The following DTNB variants were observed in gnomAD, a reference collection of about 807,000 sequenced individuals.
DTNB encodes dystrobrevin beta, also known as DTN-B.
DTNB carries 63 observed loss-of-function variants against 90.7 expected under a neutral mutation model. The ratio of observed to expected loss-of-function variants is 0.69; its 90% confidence interval spans 0.57 to 0.86. DTNB has a LOEUF of 0.86. DTNB is among the 40% of genes least tolerant of loss of function. DTNB has a pLI of 0.00. For missense variants in DTNB, 744 were observed against 807.1 expected, an observed-to-expected ratio of 0.92 and a Z score of 0.95; for synonymous variants, 277 against 286.7, an observed-to-expected ratio of 0.97 and a Z score of 0.34.
chr2:25,603,605 TAGAG>T (rs1327110471), intron 5 of DTNB, among the ~76,000 whole-genome samples: 1 of 150,026 alleles, frequency 6.7e-6, no homozygotes, highest in Non-Finnish European at 1.5e-5. Context: ...ATAAAAAAGG[TAGAG>T]AGGAGAAAAT....
At chr2:25,658,857 T>C (rs2082584624) in intron 1 of DTNB, among the ~76,000 whole-genome samples, 1 of 152,256 alleles carries the variant, frequency 6.6e-6, no homozygotes, top group African/African-American at 2.4e-5. Flanking sequence ...CATGACACTA[T>C]GTGTTTGTCA....
At chr2:25,532,119 G>A (rs2078323726) in intron 8 of DTNB, among the ~76,000 whole-genome samples, 1 of 151,946 alleles carries the variant, frequency 6.6e-6, no homozygotes, top group African/African-American at 2.4e-5. Context: ...GGTGGTGCAT[G>A]CCTGTAATCC....
intron 10 of DTNB, among the ~76,000 whole-genome samples, chr2:25,466,119 G>A (rs955152669): frequency 3.3e-5 from 5 of 152,156 alleles, no homozygotes; most frequent in African/African-American, 9.7e-5. Context: ...GACCACCTGA[G>A]GTCAGGAGTT....
intron 9 of DTNB, among the ~76,000 whole-genome samples, chr2:25,509,895 C>A (rs2073544857): frequency 1.3e-5 from 2 of 151,716 alleles, no homozygotes; most frequent in Admixed American, 1.3e-4. Context: ...GGACTACAGG[C>A]ACGCATCACC....
intron 8 of DTNB, among the ~76,000 whole-genome samples, chr2:25,536,054 A>G (rs948074242): frequency 2.4e-4 from 34 of 140,808 alleles, no homozygotes; most frequent in Non-Finnish European, 3.9e-4. Context: ...GGTGCTCCCC[A>G]CTTCCTCCCA....
At chr2:25,604,184 G>GCCA (rs1209534033) in intron 5 of DTNB, among the ~76,000 whole-genome samples, 22 of 151,684 alleles carry the variant, frequency 1.5e-4, no homozygotes, top group Non-Finnish European at 2.6e-4. Flanking sequence ...AACCACTGCC[G>GCCA]CCACCACCAC....
At chr2:25,513,558 T>C (rs2150713528) in intron 9 of DTNB, among the ~76,000 whole-genome samples, 1 of 151,910 alleles carries the variant, frequency 6.6e-6, no homozygotes, top group African/African-American at 2.4e-5. Context: ...CCGTCTCTAC[T>C]AAAAATACAA....
rs1237208337 is a variant in DTNB at position 25,607,233 on chromosome 2, T to C, written c.448+3A>G. On this transcript the variant is annotated splice_donor_region_variant and intron_variant, in intron 5 of 20. Coordinates refer to ENST00000406818, the MANE Select transcript of DTNB (RefSeq NM_021907.5). ...ATTTTTCAAATAATATGAAAATACT[T>C]ACATCTCAATTTGTCCAGCATTTTT... The C allele has an allele frequency of 2.5e-6, 4 of 1,591,064 alleles. No homozygotes were observed. In the East Asian group the frequency reaches 9.0e-5, roughly 36 times the overall value.
chr2:25,668,757 T>C (rs550622025), intron 1 of DTNB, among the ~76,000 whole-genome samples: 1 of 152,294 alleles, frequency 6.6e-6, no homozygotes, highest in African/African-American at 2.4e-5. Context: ...AAAAACTGTA[T>C]TACTGACAAT....
At chr2:25,597,900 A>G (rs2064975344) in intron 5 of DTNB, among the ~76,000 whole-genome samples, 1 of 152,232 alleles carries the variant, frequency 6.6e-6, no homozygotes, top group African/African-American at 2.4e-5. Flanking sequence ...AGCTGACAAC[A>G]GAAAAAACAG....
At chr2:25,544,557 G>A (rs987549751) in intron 8 of DTNB, among the ~76,000 whole-genome samples, 1 of 152,144 alleles carries the variant, frequency 6.6e-6, no homozygotes, top group African/African-American at 2.4e-5. Context: ...CATCTGAGGG[G>A]ATCTAAGCAG....
At chr2:25,519,968 C>T (rs1276977437) in intron 9 of DTNB, among the ~76,000 whole-genome samples, 1 of 152,212 alleles carries the variant, frequency 6.6e-6, no homozygotes, top group African/African-American at 2.4e-5. Context: ...TCAATAAATA[C>T]TGTGGAAGAC....
At chr2:25,614,719 T>A (rs1217525653) in intron 4 of DTNB, among the ~76,000 whole-genome samples, 1 of 152,176 alleles carries the variant, frequency 6.6e-6, no homozygotes, top group Non-Finnish European at 1.5e-5. Flanking sequence ...CTGCTCAGAA[T>A]CCCGTTGCGA....
At chr2:25,413,270 CT>C (rs35325785) in intron 16 of DTNB, among the ~76,000 whole-genome samples, 29,645 of 147,910 alleles carry the variant, frequency 0.2, 3,600 homozygotes, top group Non-Finnish European at 0.28. Flanking sequence ...AATCAGACAC[CT>C]TTTTTTTTTA....
intron 14 of DTNB, among the ~76,000 whole-genome samples, chr2:25,428,377 T>C (rs1190913659): frequency 6.6e-6 from 1 of 152,102 alleles, no homozygotes; most frequent in Non-Finnish European, 1.5e-5. Flanking sequence ...TCTCACTTTA[T>C]CTAAGCACTC....
intron 15 of DTNB, among the ~76,000 whole-genome samples, chr2:25,425,174 C>T (rs1420717225): frequency 6.6e-6 from 1 of 152,084 alleles, no homozygotes; most frequent in Non-Finnish European, 1.5e-5. Context: ...TTAAATAAGA[C>T]CCATTTAGAC....
intron 12 of DTNB, among the ~76,000 whole-genome samples, chr2:25,443,427 G>A (rs1318171638): frequency 6.6e-6 from 1 of 152,174 alleles, no homozygotes; most frequent in Non-Finnish European, 1.5e-5. Context: ...GAGTCAAACT[G>A]GGCAAATGTT....
In DTNB at chr2:25,548,331, T is replaced by C. The variant is rs2082878597; in HGVS notation, c.877-16734A>G. On this transcript the variant is annotated intron_variant, in intron 8 of 20. Transcript: ENST00000406818. ...ATTGTGCTTTTCCAGTCATTTAATT[T>C]TGTTAATTTTGATTATGAATTCTTG... 2.0e-5 allele frequency among the ~76,000 whole-genome samples: 3 copies of C among 152,310 alleles called. No homozygotes were observed. In the South Asian group the frequency reaches 6.2e-4, roughly 32 times the overall value.
At chr2:25,504,033 C>T (rs921179482) in intron 9 of DTNB, among the ~76,000 whole-genome samples, 29 of 152,086 alleles carry the variant, frequency 1.9e-4, no homozygotes, top group Admixed American at 4.6e-4. Context: ...TCTGGGAGGC[C>T]GAAGTGGGCA....
Sources: allele counts gnomAD v4.1 joint callset (sites outside exome capture counted in the v4.1 genomes callset), GRCh38; gene constraint gnomAD v4.1.1; transcripts MANE v1.5; gene names NCBI Gene and HGNC (gene_info 2026-07-23, HGNC 2026-07-21).